The following MACF1 variants were observed in gnomAD, a reference collection of about 807,000 sequenced individuals.
MACF1 encodes the protein microtubule-actin cross-linking factor 1.
In MACF1, 193 loss-of-function variants were observed where a neutral mutation model predicts 854.8. That is an observed-to-expected ratio of 0.23 (90% confidence interval 0.20 to 0.25). MACF1 has a LOEUF of 0.25. Among genes scored for constraint, MACF1 ranks in the 10% least tolerant of loss-of-function variants. The probability of loss-of-function intolerance (pLI) is 1.00; values close to 1 mark genes in which losing one functional copy is unlikely to be tolerated. For synonymous variants in MACF1, 3,185 were observed against 3,226.7 expected, an observed-to-expected ratio of 0.99 and a Z score of 0.44; for missense variants, 7,722 against 8,929.1, an observed-to-expected ratio of 0.86 and a Z score of 5.45.
chr1:39,421,945 G>A (rs1314406641), intron 58 of MACF1, among the ~76,000 whole-genome samples: 1 of 152,004 alleles, frequency 6.6e-6, no homozygotes, highest in East Asian at 1.9e-4. Context: ...CATGGTGGCG[G>A]GCGTCTGTAG....
chr1:39,349,431 A>G (rs763239353), intron 41 of MACF1, 47 bp from the exon 42 acceptor site: 3 of 1,556,148 alleles, frequency 1.9e-6, no homozygotes, highest in Non-Finnish European at 2.6e-6. Flanking sequence ...TGTATTTGCA[A>G]AATGTGAATT....
chr1:39,364,148 C>T (rs1648465861), intron 49 of MACF1, among the ~76,000 whole-genome samples: 1 of 152,168 alleles, frequency 6.6e-6, no homozygotes, highest in Non-Finnish European at 1.5e-5. Flanking sequence ...TATTAGAGTA[C>T]CTGTTTCCCC....
At chr1:39,134,101 C>T (rs535110990) in intron 2 of MACF1, among the ~76,000 whole-genome samples, 12 of 121,784 alleles carry the variant, frequency 9.9e-5, no homozygotes, top group Non-Finnish European at 1.9e-4. Flanking sequence ...AGTGCAGTGG[C>T]GGGATCTCAG....
At position 39,452,664 on chromosome 1, in the gene MACF1, T is replaced by G. The variant is rs1219820775; in HGVS notation, c.20614-20T>G. On this transcript the variant is annotated intron_variant, in intron 86 of 100. Coordinates refer to ENST00000564288, the MANE Select transcript of MACF1 (RefSeq NM_001394062.1). ...TTGGCTGCAGAGAGAGGTTGAATCT[T>G]TTGTGCTTGGTTATTTCAGGCGGAA... 3.1e-6 allele frequency: 5 copies of G among 1,612,242 alleles called. No homozygotes were observed. The Middle Eastern group carries it at 6.4e-4, about 207-fold the overall frequency.
At chr1:39,395,806 G>A (rs1223819063) in intron 58 of MACF1, among the ~76,000 whole-genome samples, 1 of 151,404 alleles carries the variant, frequency 6.6e-6, no homozygotes, top group African/African-American at 2.4e-5. Context: ...GAGCCTTTAA[G>A]GCCTTTAAGT....
At chr1:39,197,236 T>A (rs1432316785) in intron 2 of MACF1, among the ~76,000 whole-genome samples, 1 of 151,538 alleles carries the variant, frequency 6.6e-6, no homozygotes, top group Non-Finnish European at 1.5e-5. Flanking sequence ...AATATAAATA[T>A]AAATATATAC....
intron 2 of MACF1, among the ~76,000 whole-genome samples, chr1:39,086,077 C>T (rs1571021098): frequency 6.6e-6 from 1 of 152,188 alleles, no homozygotes; most frequent in East Asian, 1.9e-4. Flanking sequence ...CCCATCACTC[C>T]CTTAGAAGAG....
Position 39,442,324 on chromosome 1 carries a change from A to C in MACF1, c.18948+4A>C, listed in dbSNP as rs752345430. On this transcript the variant is annotated splice_donor_region_variant and intron_variant, in intron 76 of 100. Transcript: ENST00000564288. ...TGAGAAAATTGCCCACCGACAGGTA[A>C]GGCAGGTGGTAGATGACATCAGTGA... 6.9e-6 allele frequency: 11 copies of C among 1,596,506 alleles called. No homozygotes were observed. The highest frequency in any genetic ancestry group is 9.4e-6 in the Non-Finnish European group (11 of 1,173,262).
In MACF1 at chr1:39,336,541, C is replaced by T; in HGVS notation, c.9953C>T (p.Thr3318Ile). The stretch of plus-strand genomic sequence containing the variant: ...TGCTCTGCAGTGAAGACAGAGAAGA[C>T]ACCACAGGAAAAGCTCAGAGAAAGC... ...TVCSAVKTEK[T>I]PQEKLRESPG... The change falls in exon 37 of 101, where the codon ACA becomes ATA. Residue 3318 changes from threonine to isoleucine, a missense_variant. Physicochemically the swap from Thr to Ile is moderately conservative, Grantham distance 89. Coordinates refer to ENST00000564288, the MANE Select transcript of MACF1 (RefSeq NM_001394062.1). 1 of 1,614,132 alleles carries T rather than the reference C, an allele frequency of 6.2e-7. No individual in the cohort carries two copies. Among genetic ancestry groups the T allele is most frequent in the African/African-American group, 1.3e-5 (1 of 75,022 alleles).
intron 1 of MACF1, among the ~76,000 whole-genome samples, chr1:39,226,084 G>A (rs1214004635): frequency 1.3e-5 from 2 of 152,104 alleles, no homozygotes; most frequent in African/African-American, 4.8e-5. Flanking sequence ...AGCTCTTAGG[G>A]GCAAAGGAAT....
chr1:39,406,713 C>T (rs1046705778), intron 58 of MACF1, among the ~76,000 whole-genome samples: 4 of 120,738 alleles, frequency 3.3e-5, no homozygotes, highest in African/African-American at 6.9e-5. Context: ...CCAGTCTAGG[C>T]GACAGAGTGA....
Position 39,283,097 on chromosome 1 carries a change from A to G in MACF1, c.696-92A>G. On this transcript the variant is annotated intron_variant, in intron 7 of 100. Transcript: ENST00000564288. The surrounding 1 kb of genome is among the most constrained non-coding windows in gnomAD (Gnocchi z 4.5). Reference sequence around the variant, plus strand: ...TTCTCTAACTCACTTAGTGTTTTTCAGCTCTGGGAACTTTCAGGAGGTTTT... The same window carrying G: ...TTCTCTAACTCACTTAGTGTTTTTCGGCTCTGGGAACTTTCAGGAGGTTTT... 1.3e-6 allele frequency: 1 copy of G among 759,742 alleles called. No individual in the cohort carries two copies. The highest frequency in any genetic ancestry group is 2.5e-5 in the East Asian group (1 of 39,364). 47.1% of individuals were successfully genotyped at this position (759,742 alleles called of 1,614,324 possible).
At chr1:39,122,255 CTT>C (rs138256170) in intron 2 of MACF1, among the ~76,000 whole-genome samples, 20 of 135,790 alleles carry the variant, frequency 1.5e-4, no homozygotes, top group African/African-American at 8.1e-5. Flanking sequence ...TGGTAATATT[CTT>C]TTTTTTTTTT....
At chr1:39,244,609 G>A (rs1053841119) in intron 2 of MACF1, among the ~76,000 whole-genome samples, 5 of 145,034 alleles carry the variant, frequency 3.4e-5, no homozygotes, top group Admixed American at 7.0e-5. Context: ...ATGGAGTCTC[G>A]CTCTGTTGCC....
intron 17 of MACF1, among the ~76,000 whole-genome samples, chr1:39,293,104 A>G (rs967235769): frequency 6.6e-6 from 1 of 152,206 alleles, no homozygotes; most frequent in African/African-American, 2.4e-5. Context: ...GTGTGGCTAT[A>G]TGTGCTTTGA....
intron 2 of MACF1, among the ~76,000 whole-genome samples, chr1:39,152,575 G>A (rs1643602740): frequency 6.6e-6 from 1 of 152,136 alleles, no homozygotes; most frequent in African/African-American, 2.4e-5. Flanking sequence ...ACATTGTGAT[G>A]TTCTCCCACA....
chr1:39,216,622 A>C (rs1644579748), intron 1 of MACF1, among the ~76,000 whole-genome samples: 1 of 152,132 alleles, frequency 6.6e-6, no homozygotes, highest in African/African-American at 2.4e-5. Flanking sequence ...TTTGAGGAAA[A>C]AAAGCTGCCA....
chr1:39,169,843 G>A (rs1643923930), intron 2 of MACF1, among the ~76,000 whole-genome samples: 2 of 146,310 alleles, frequency 1.4e-5, no homozygotes, highest in Admixed American at 7.0e-5. Flanking sequence ...ACGTGATCTC[G>A]GCTCACTGCA....
At chr1:39,413,904 G>A in intron 58 of MACF1, 1 of 1,607,110 alleles carries the variant, frequency 6.2e-7, no homozygotes, top group Non-Finnish European at 8.5e-7. Flanking sequence ...CCACCCTAGA[G>A]GAATTCACTT....
Sources: allele counts gnomAD v4.1 joint callset (sites outside exome capture counted in the v4.1 genomes callset), GRCh38; gene constraint gnomAD v4.1.1; non-coding constraint Gnocchi (gnomAD v3.1); transcripts MANE v1.5; gene names NCBI Gene and HGNC (gene_info 2026-07-23, HGNC 2026-07-21).